The following INTS6 variants were observed in gnomAD, a reference collection of about 807,000 sequenced individuals.
INTS6 encodes the protein DEAD box protein.
A neutral mutation model predicts 104.9 loss-of-function variants in INTS6; 16 were observed. The observed-to-expected ratio is 0.15, with a 90% CI of 0.10 to 0.23. INTS6 has a LOEUF of 0.23. Ranked by LOEUF, INTS6 falls within the 10% of genes least tolerant of loss-of-function variation. The probability of loss-of-function intolerance (pLI) is 1.00; values close to 1 mark genes in which losing one functional copy is unlikely to be tolerated. For missense variants in INTS6, 584 were observed against 1,062.8 expected (o/e 0.55, Z 6.26); for synonymous variants, 324 against 358.7 (o/e 0.90, Z 1.09).
chr13:51,428,330 T>C (rs1957021477), intron 4 of INTS6, among the ~76,000 whole-genome samples: 1 of 149,942 alleles, frequency 6.7e-6, no homozygotes, highest in Admixed American at 6.6e-5. Context: ...TTTTTTCTTT[T>C]TTTTTTTTTT....
At chr13:51,372,005 C>A (rs1225238001) in intron 15 of INTS6, among the ~76,000 whole-genome samples, 1 of 152,138 alleles carries the variant, frequency 6.6e-6, no homozygotes, top group Non-Finnish European at 1.5e-5. Flanking sequence ...TTCAACCTCT[C>A]CCTCTTTACT....
downstream of INTS6, chr13:51,361,491 T>C (rs981558958): frequency 5.9e-6 from 4 of 680,020 alleles, no homozygotes; most frequent in Non-Finnish European, 7.5e-6. Flanking sequence ...TAGTATTTTT[T>C]AAAAAGGAAC....
intron 3 of INTS6, chr13:51,439,567 A>C (rs1952754117): frequency 6.6e-6 from 1 of 152,220 alleles, no homozygotes. Flanking sequence ...TCTACACGAC[A>C]AATAAAAGGA....
rs1484828886 is a variant in INTS6, at chr13:51,430,535, T to C, written c.340-152A>G. The C allele has an allele frequency of 5.6e-6, 3 of 538,646 alleles. 1 individual carries two copies. Among genetic ancestry groups the C allele is most frequent in the Middle Eastern group, 9.6e-4 (2 of 2,076 alleles). 33.4% of individuals were successfully genotyped at this position (538,646 alleles called of 1,614,324 possible). A position where few individuals can be genotyped will look rare whatever the true frequency, so the allele number is the denominator to read the frequency against. ...TGTTTGTACATTTTAAGAAAAGATATAGAACGACACATAAACTAAACAGTG... is the reference window on the plus strand; with the variant it reads ...TGTTTGTACATTTTAAGAAAAGATACAGAACGACACATAAACTAAACAGTG... On this transcript the variant is annotated intron_variant, in intron 3 of 17. Coordinates refer to ENST00000311234, the MANE Select transcript of INTS6 (RefSeq NM_012141.3).
chr13:51,342,178 CAAAAA>C, the INTS6 span, among the ~76,000 whole-genome samples: 8 of 63,582 alleles, frequency 1.3e-4, no homozygotes, highest in Non-Finnish European at 1.7e-4. Flanking sequence ...AAAGACAGAA[CAAAAA>C]AAAAAAAAAA....
chr13:51,374,011 CATAA>C (rs1175726585), intron 15 of INTS6, among the ~76,000 whole-genome samples, 193 bp downstream of exon 15: 1 of 152,138 alleles, frequency 6.6e-6, no homozygotes, highest in Non-Finnish European at 1.5e-5. Context: ...AATAAAGCAT[CATAA>C]ATAAGAAATG....
At chr13:51,446,725 A>C (rs1159378051) in intron 3 of INTS6, 2 of 152,250 alleles carry the variant, frequency 1.3e-5, no homozygotes, top group African/African-American at 4.8e-5. Flanking sequence ...CAGCCTTAAA[A>C]AGGATGAAAA....
At chr13:51,406,191 C>T (rs1342137896) in intron 4 of INTS6, among the ~76,000 whole-genome samples, 1 of 152,126 alleles carries the variant, frequency 6.6e-6, no homozygotes, top group Non-Finnish European at 1.5e-5. Context: ...CAACCCCCAA[C>T]CCTACTACTC....
chr13:51,361,922 G>A lies in INTS6; in HGVS notation c.*3830C>T. On this transcript the variant is annotated 3_prime_UTR_variant, in exon 18 of 18. Transcript: ENST00000311234. The stretch of plus-strand genomic sequence containing the variant: ...TTACAGTATTTTTTGACAGGATTCA[G>A]ATAATTTATCAGTGTCTCTCTAGCA... 6.2e-7 allele frequency: 1 copy of A among 1,611,854 alleles called. No individual in the cohort carries two copies. Among genetic ancestry groups the A allele is most frequent in the Non-Finnish European group, 8.5e-7 (1 of 1,178,630 alleles).
chr13:51,382,242 C>A, intron 9 of INTS6, 119 bp from the exon 10 acceptor site: 1 of 481,206 alleles, frequency 2.1e-6, no homozygotes. Context: ...TAACATCAGA[C>A]GTTTTTTAAC....
intron 5 of INTS6, among the ~76,000 whole-genome samples, chr13:51,394,580 A>G (rs1956302660): frequency 6.6e-6 from 1 of 152,188 alleles, no homozygotes; most frequent in Admixed American, 6.5e-5. Context: ...ACAGAATTTG[A>G]TATTAAAATT....
At chr13:51,413,259 C>T (rs956067863) in intron 4 of INTS6, among the ~76,000 whole-genome samples, 7 of 152,082 alleles carry the variant, frequency 4.6e-5, no homozygotes, top group Admixed American at 1.3e-4. Flanking sequence ...AAATGCAGAT[C>T]ACAGCCTCTG....
At chr13:51,377,272 CTTTA>C (rs1162395644) in intron 12 of INTS6, among the ~76,000 whole-genome samples, 1 of 151,952 alleles carries the variant, frequency 6.6e-6, no homozygotes. Context: ...GATACAAGTC[CTTTA>C]TTTGATATGT....
intron 3 of INTS6, chr13:51,441,754 G>A (rs1952801033): frequency 6.6e-6 from 1 of 151,544 alleles, no homozygotes; most frequent in Non-Finnish European, 1.5e-5. Context: ...TAGAATCTAG[G>A]CCTTAAAGTA....
At chr13:51,432,921 C>T (rs1018103230) in intron 3 of INTS6, among the ~76,000 whole-genome samples, 1 of 152,210 alleles carries the variant, frequency 6.6e-6, no homozygotes, top group African/African-American at 2.4e-5. Context: ...ATAAATCTCT[C>T]TCTTGGTCTC....
intron 4 of INTS6, among the ~76,000 whole-genome samples, chr13:51,405,435 C>T (rs977739980): frequency 6.6e-6 from 1 of 152,184 alleles, no homozygotes; most frequent in Non-Finnish European, 1.5e-5. Flanking sequence ...AGGAAATTTT[C>T]TTCGTTCCCC....
intron 4 of INTS6, among the ~76,000 whole-genome samples, chr13:51,399,842 A>G (rs1022890082): frequency 1.3e-5 from 2 of 152,114 alleles, no homozygotes; most frequent in Non-Finnish European, 2.9e-5. Flanking sequence ...AGTGACTATT[A>G]AAGTCTTCTG....
chr13:51,353,823 C>T (rs909212008), downstream of INTS6, among the ~76,000 whole-genome samples: 1 of 152,106 alleles, frequency 6.6e-6, no homozygotes, highest in African/African-American at 2.4e-5. Context: ...TTTTACTCTC[C>T]TGCAAGTTCT....
chr13:51,338,399 T>A, the INTS6 span, among the ~76,000 whole-genome samples: 1 of 152,008 alleles, frequency 6.6e-6, no homozygotes, highest in South Asian at 2.1e-4. Flanking sequence ...GCACAGTGAT[T>A]TGTGACCAAG....
Sources: gnomAD v4.1 joint callset for allele counts (sites outside exome capture counted in the v4.1 genomes callset) on GRCh38, gnomAD v4.1.1 for gene constraint, MANE v1.5 for transcripts, NCBI Gene and HGNC (gene_info 2026-07-23, HGNC 2026-07-21) for gene names.